LRP1B: variants seen among roughly 807,000 people sequenced by gnomAD.
LRP1B encodes low-density lipoprotein receptor-related protein 1B.
Under a neutral mutation model 556.6 loss-of-function variants are expected in LRP1B, and 217 were observed. That is an observed-to-expected ratio of 0.39 (90% CI 0.35 to 0.44). The LOEUF (loss-of-function observed/expected upper bound fraction) is 0.44, where lower values mean the gene tolerates loss of function less well. LRP1B is among the 20% of genes least tolerant of loss of function. The pLI, the probability that LRP1B is intolerant of heterozygous loss-of-function variation, is 1.00. For synonymous variants in LRP1B, 2,047 were observed against 1,865.8 expected, an observed-to-expected ratio of 1.10 and a Z score of -2.50; for missense variants, 5,053 against 5,620.8, an observed-to-expected ratio of 0.90 and a Z score of 3.23.
chr2:140,629,725 T>A (rs1344773976), intron 41 of LRP1B, among the ~76,000 whole-genome samples: 1 of 152,196 alleles, frequency 6.6e-6, no homozygotes, highest in Non-Finnish European at 1.5e-5. Context: ...CTTCCTATCA[T>A]ACAAAGACAC....
intron 2 of LRP1B, among the ~76,000 whole-genome samples, chr2:141,665,876 C>G (rs1276404276): frequency 6.6e-6 from 1 of 152,040 alleles, no homozygotes; most frequent in Non-Finnish European, 1.5e-5. Context: ...GACTAGCCAG[C>G]ATGTTCTCAC....
intron 3 of LRP1B, among the ~76,000 whole-genome samples, chr2:141,368,015 T>C (rs1281580534): frequency 6.6e-6 from 1 of 152,182 alleles, no homozygotes; most frequent in African/African-American, 2.4e-5. Flanking sequence ...TACCTCACCA[T>C]GCCATTAAAT....
chr2:140,768,370 A>T (rs1027911905), intron 35 of LRP1B, among the ~76,000 whole-genome samples: 1 of 151,938 alleles, frequency 6.6e-6, no homozygotes, highest in African/African-American at 2.4e-5. Context: ...ACATTAGATC[A>T]AACTAAGTCT....
At chr2:141,976,809 G>T (rs1381127564) in intron 1 of LRP1B, among the ~76,000 whole-genome samples, 2 of 152,092 alleles carry the variant, frequency 1.3e-5, no homozygotes, top group Non-Finnish European at 2.9e-5. Flanking sequence ...TGTAGGAGAA[G>T]CTCAAGGACC....
chr2:141,572,208 G>A (rs561645211), intron 2 of LRP1B, among the ~76,000 whole-genome samples: 2 of 152,252 alleles, frequency 1.3e-5, no homozygotes, highest in African/African-American at 4.8e-5. Context: ...ACAAAGGGAA[G>A]CCCATCAGAC....
chr2:141,941,779 T>A (rs763653636), intron 1 of LRP1B, among the ~76,000 whole-genome samples: 1 of 152,174 alleles, frequency 6.6e-6, no homozygotes, highest in Non-Finnish European at 1.5e-5. Flanking sequence ...GTGTTTTAGA[T>A]AATAAGAGTC....
intron 17 of LRP1B, among the ~76,000 whole-genome samples, chr2:140,986,373 T>C (rs950870027): frequency 1.3e-5 from 2 of 152,094 alleles, no homozygotes; most frequent in Admixed American, 6.6e-5. Context: ...AACATAGAAA[T>C]AGAATTACAA....
intron 2 of LRP1B, among the ~76,000 whole-genome samples, chr2:141,771,224 T>C (rs1694888818): frequency 6.6e-6 from 1 of 152,130 alleles, no homozygotes; most frequent in Non-Finnish European, 1.5e-5. Flanking sequence ...CATTCATCCT[T>C]TAAAACCTTA....
At position 140,371,252 on chromosome 2, in the gene LRP1B, CAT is replaced by C; in HGVS notation, c.10800_10801del (p.Ile3600MetfsTer4). 2 of 1,593,264 alleles carry C rather than the reference CAT, an allele frequency of 1.3e-6. No homozygotes were observed. Among genetic ancestry groups the C allele is most frequent in the South Asian group, 1.1e-5 (1 of 87,422 alleles). On this transcript the variant is annotated frameshift_variant, in exon 70 of 91. Transcript: ENST00000389484. LOFTEE classifies it high-confidence loss of function. Reference sequence around the variant, plus strand: ...TGCTGAAATACATCCATCACTGGCACATATATATTCACGTGATGAGCAAGTAG... The same window carrying C: ...TGCTGAAATACATCCATCACTGGCACATATATTCACGTGATGAGCAAGTAG...
intron 3 of LRP1B, among the ~76,000 whole-genome samples, chr2:141,429,839 T>C (rs747772320): frequency 1.3e-5 from 2 of 152,008 alleles, no homozygotes; most frequent in African/African-American, 4.8e-5. Flanking sequence ...TCTTCTTAGG[T>C]GAATGAGACA....
chr2:140,723,300 T>C (rs1269767927), intron 35 of LRP1B, among the ~76,000 whole-genome samples: 1 of 152,150 alleles, frequency 6.6e-6, no homozygotes, highest in Non-Finnish European at 1.5e-5. Flanking sequence ...TTAAAAATAA[T>C]TATATCCAAC....
intron 1 of LRP1B, among the ~76,000 whole-genome samples, chr2:141,993,921 T>A (rs971547730): frequency 6.6e-6 from 1 of 152,180 alleles, no homozygotes; most frequent in Non-Finnish European, 1.5e-5. Context: ...TTATGTTTTT[T>A]TTCTTTGTCC....
chr2:142,090,087 ATAT>A (rs1466111119), intron 1 of LRP1B, among the ~76,000 whole-genome samples: 2 of 152,150 alleles, frequency 1.3e-5, no homozygotes, highest in African/African-American at 4.8e-5. Flanking sequence ...TTCTCTTTTC[ATAT>A]TATATTAAAA....
intron 43 of LRP1B, among the ~76,000 whole-genome samples, chr2:140,568,811 A>G (rs183869887): frequency 1.3e-5 from 2 of 152,212 alleles, no homozygotes; most frequent in East Asian, 3.9e-4. Context: ...CAGACCAGGA[A>G]ATAATGTAAA....
At chr2:141,621,408 A>T (rs938554281) in intron 2 of LRP1B, among the ~76,000 whole-genome samples, 1 of 152,218 alleles carries the variant, frequency 6.6e-6, no homozygotes, top group African/African-American at 2.4e-5. Flanking sequence ...CCAGAGAAGT[A>T]AAGTTAGAAT....
chr2:141,015,039 G>A (rs1358703404), intron 13 of LRP1B, among the ~76,000 whole-genome samples: 2 of 151,948 alleles, frequency 1.3e-5, no homozygotes, highest in African/African-American at 2.4e-5. Flanking sequence ...TCTATTGTTC[G>A]ACTCACAGTT....
rs1682550027 is a variant in LRP1B, at chr2:140,598,981, A to G, written c.6990-146T>C. Reference sequence around the variant, plus strand: ...TCTTTAACAAAGTCTAGGTAATAAAAGGAGATATGCATATTATATATGCAT... The same window carrying G: ...TCTTTAACAAAGTCTAGGTAATAAAGGGAGATATGCATATTATATATGCAT... On this transcript the variant is annotated intron_variant, in intron 42 of 90. Coordinates refer to ENST00000389484, the MANE Select transcript of LRP1B (RefSeq NM_018557.3). 6.5e-6 allele frequency: 4 copies of G among 619,658 alleles called. No individual in the cohort carries two copies. The Admixed American group carries it at 1.2e-4, about 18-fold the overall frequency. 38.4% of individuals were successfully genotyped at this position (619,658 alleles called of 1,614,324 possible). A position where few individuals can be genotyped will look rare whatever the true frequency, so the allele number is the denominator to read the frequency against.
rs2105198504 is a variant in LRP1B, at chr2:140,601,508, C to T, written c.6931G>A (p.Val2311Ile). 6.2e-7 allele frequency: 1 copy of T among 1,613,112 alleles called. No homozygotes were observed. Among genetic ancestry groups the T allele is most frequent in the Non-Finnish European group, 8.5e-7 (1 of 1,179,394 alleles). The stretch of plus-strand genomic sequence containing the variant: ...TGGTCATCTTCTGACATGGTGATGA[C>T]AGCTTCCCTGTCAAATGCTCCAGGC... The part of the protein sequence containing the change: ...TRPGAFDREA[V>I]ITMSEDDHPH... Residue 2311 changes from valine to isoleucine, a missense_variant, in exon 42 of 91, where the codon GTC (valine) becomes ATC (isoleucine). By Grantham distance (29) the Val-to-Ile change is conservative (BLOSUM62 3). Around this residue, in one of 5 missense-constraint regions of LRP1B, gnomAD observed 3,619 missense variants for 3,931.9 expected, o/e 0.92. Coordinates refer to ENST00000389484, the MANE Select transcript of LRP1B (RefSeq NM_018557.3).
chr2:140,383,305 T>TGC lies in LRP1B; in HGVS notation c.10531+2587_10531+2588insGC, dbSNP rs1232644974. On this transcript the variant is annotated intron_variant, in intron 67 of 90. Coordinates refer to ENST00000389484, the MANE Select transcript of LRP1B (RefSeq NM_018557.3). ...GGACAGTGATGTGCGTGTGTGTGTG[T>TGC]GTGTGTGTGTGTGTGTGTTTACAAT... is the stretch of plus-strand genomic sequence containing the variant. Among the ~76,000 whole-genome samples, 8 of 151,976 alleles carry TGC rather than the reference T, an allele frequency of 5.3e-5. No homozygotes were observed. The East Asian group carries it at 1.4e-3, about 26-fold the overall frequency.
Sources: gnomAD v4.1 joint callset for allele counts (sites outside exome capture counted in the v4.1 genomes callset) on GRCh38, gnomAD v4.1.1 for gene constraint, gnomAD v4.1.1 regional missense constraint, MANE v1.5 for transcripts, NCBI Gene and HGNC (gene_info 2026-07-23, HGNC 2026-07-21) for gene names.